The following IRX2 variants were observed in gnomAD, a reference collection of about 807,000 sequenced individuals.
IRX2 encodes iroquois homeobox 2.
In IRX2, 26 loss-of-function variants were observed where a neutral mutation model predicts 42.9. That is an observed-to-expected ratio of 0.61 (90% confidence interval 0.44 to 0.84). The LOEUF (loss-of-function observed/expected upper bound fraction) is 0.84. Among genes scored for constraint, IRX2 ranks in the 40% least tolerant of loss-of-function variants. IRX2 has a pLI of 0.00. For missense variants in IRX2, 782 were observed against 713.9 expected, an observed-to-expected ratio of 1.10 and a Z score of -1.09; for synonymous variants, 424 against 353.9, an observed-to-expected ratio of 1.20 and a Z score of -2.22.
Position 2,747,487 on chromosome 5 carries a change from A to T in IRX2, c.*77T>A. 2.4e-6 allele frequency: 3 copies of T among 1,260,990 alleles called. No individual in the cohort carries two copies. The highest frequency in any genetic ancestry group is 3.5e-6 in the Non-Finnish European group (3 of 864,224). 78.1% of individuals were successfully genotyped at this position (1,260,990 alleles called of 1,614,324 possible). A position where few individuals can be genotyped will look rare whatever the true frequency, so the allele number is the denominator to read the frequency against. On this transcript the variant is annotated 3_prime_UTR_variant, in exon 4 of 4. Coordinates refer to ENST00000302057, the MANE Select transcript of IRX2 (RefSeq NM_033267.5). ...AGAAGCAAGAAAAACACATTAAGCA[A>T]GTTGGTGCTGGGAGGCTCCACAGGG...
chr5:2,740,326 C>G, the IRX2 span, among the ~76,000 whole-genome samples: 1 of 152,062 alleles, frequency 6.6e-6, no homozygotes, highest in African/African-American at 2.4e-5. Context: ...GCGGTCACAC[C>G]GGGGCTGAGG....
the IRX2 span, among the ~76,000 whole-genome samples, chr5:2,739,034 C>T: frequency 6.6e-6 from 1 of 152,234 alleles, no homozygotes; most frequent in African/African-American, 2.4e-5. Flanking sequence ...TCCGCTGTGT[C>T]CCCTTGGATC....
At chr5:2,744,480 GACA>G (rs1440124782), downstream of IRX2, among the ~76,000 whole-genome samples, 1 of 152,142 alleles carries the variant, frequency 6.6e-6, no homozygotes, top group Admixed American at 6.5e-5. Context: ...AAGACCTTCA[GACA>G]ACAATCTAAA....
the IRX2 span, among the ~76,000 whole-genome samples, chr5:2,739,213 C>T: frequency 8.9e-4 from 136 of 152,342 alleles, 1 homozygote; most frequent in Admixed American, 2.0e-3. Context: ...GCAGACACCG[C>T]GGCAACCCAC....
Position 2,748,565 on chromosome 5 carries a change from G to T in IRX2, c.1143C>A (p.Pro381=). The change falls in exon 3 of 4, where the codon CCC becomes CCA. Residue 381 remains proline (P), a synonymous_variant. Coordinates refer to ENST00000302057, the MANE Select transcript of IRX2 (RefSeq NM_033267.5). ...CGTAGAAGGGCGACGTGTAGTAGAG[G>T]GGGCGGCCCAGCAGCGGCGAGGCAG... ...PYPASPLLGR[P]LYYTSPFYGN... is the part of the protein sequence containing the mutation. 1.3e-6 allele frequency: 2 copies of T among 1,567,196 alleles called. No individual in the cohort carries two copies. The highest frequency in any genetic ancestry group is 1.7e-6 in the Non-Finnish European group (2 of 1,159,054).
chr5:2,751,538 C>T lies in IRX2; in HGVS notation c.-125G>A, dbSNP rs1195539384. 2.6e-5 allele frequency: 16 copies of T among 606,920 alleles called. No homozygotes were observed. The highest frequency in any genetic ancestry group is 2.7e-5 in the Non-Finnish European group (13 of 488,266). The allele number at this position is 606,920 out of a possible 1,614,324, so 37.6% of individuals were successfully genotyped here. On this transcript the variant is annotated 5_prime_UTR_variant, in exon 1 of 4. Transcript: ENST00000302057. This position sits in a 1 kb window ranked among gnomAD's most constrained non-coding sequence, Gnocchi z 4.0. ...ACCCGGACGGCCGGCGGAGGCAGGC[C>T]GGCCCGGGTACTAGCCTGGGCGGCC...
downstream of IRX2, among the ~76,000 whole-genome samples, chr5:2,744,831 G>GAAAC (rs1394542716): frequency 1.1e-4 from 16 of 152,310 alleles, no homozygotes; most frequent in Non-Finnish European, 1.6e-4. Context: ...ACAGAAAACA[G>GAAAC]AAACCTGGTT....
chr5:2,749,018 G>C lies in IRX2; in HGVS notation c.690C>G (p.His230Gln). 1.3e-6 allele frequency: 2 copies of C among 1,597,294 alleles called. No homozygotes were observed. Among genetic ancestry groups the C allele is most frequent in the East Asian group, 4.5e-5 (2 of 44,762 alleles). ...CCCCGTCCGACTCGGCCGAGCACGA[G>C]TGATCCGTGAGCGAGTCCACGTGCA... ...ISLHVDSLTD[H>Q]SCSAESDGEK... Residue 230 changes from histidine to glutamine, a missense_variant, in exon 3 of 4, where the codon CAC becomes CAG. This residue lies in a region of IRX2 where 520 missense variants were observed against 437.8 expected (regional missense o/e 1.19). Transcript: ENST00000302057.
chr5:2,736,625 T>C, the IRX2 span: 3 of 152,230 alleles, frequency 2.0e-5, no homozygotes, highest in East Asian at 3.8e-4. Flanking sequence ...TGAACCACTA[T>C]TGTCAAAACA....
In IRX2 at chr5:2,751,422, C is replaced by T. The variant is rs894825699; in HGVS notation, c.-9G>A. ...CCCTGCGGGTAGGACATGGTGGGCG[C>T]GGGGCGCGGGGCCCGCGTCACGCCG... On this transcript the variant is annotated 5_prime_UTR_variant, in exon 1 of 4. Transcript: ENST00000302057. The surrounding 1 kb of genome is among the most constrained non-coding windows in gnomAD (Gnocchi z 4.0). The T allele has an allele frequency of 2.3e-6, 3 of 1,294,870 alleles. No homozygotes were observed. The highest frequency in any genetic ancestry group is 3.2e-5 in the African/African-American group (2 of 62,954). 80.2% of individuals were successfully genotyped at this position (1,294,870 alleles called of 1,614,324 possible). A position where few individuals can be genotyped will look rare whatever the true frequency, so the allele number is the denominator to read the frequency against.
rs780105025 is a variant in IRX2, at chr5:2,748,433, T to C, written c.1275A>G (p.Pro425=). ...CCTTGCCCGCGTCGCTGGCCGCCTT[T>C]GGCGCGGTGTGCAGGGCCTCGCCGG... The part of the protein sequence containing the change: ...AAPGEALHTA[P]KAASDAGKAG... Residue 425 remains proline, a synonymous_variant, in exon 3 of 4, where the codon CCA becomes CCG. Transcript: ENST00000302057. 5 of 1,548,990 alleles carry C rather than the reference T, an allele frequency of 3.2e-6. No homozygotes were observed. Among genetic ancestry groups the C allele is most frequent in the Non-Finnish European group, 4.3e-6 (5 of 1,153,202 alleles).
Position 2,748,870 on chromosome 5 carries a change from G to C in IRX2, c.838C>G (p.Pro280Ala), listed in dbSNP as rs1472631067. 2.5e-6 allele frequency: 4 copies of C among 1,593,310 alleles called. No homozygotes were observed. The highest frequency in any genetic ancestry group is 3.4e-6 in the Non-Finnish European group (4 of 1,178,110). Residue 280 changes from proline to alanine, a missense_variant, in exon 3 of 4, where the codon CCC becomes GCC. Pro to Ala is a conservative substitution (Grantham distance 27). This residue lies in a region of IRX2 where 520 missense variants were observed against 437.8 expected (regional missense o/e 1.19). Transcript: ENST00000302057. ...DEEGERGLAP[P>A]KPVTSSPLTG... ...AGCGGCGACGAGGTCACGGGCTTGGGCGGCGCCAGGCCCCGCTCGCCCTCC... is the reference window on the plus strand; with the variant it reads ...AGCGGCGACGAGGTCACGGGCTTGGCCGGCGCCAGGCCCCGCTCGCCCTCC...
At chr5:2,742,459 G>A (rs986187748), downstream of IRX2, among the ~76,000 whole-genome samples, 10 of 152,122 alleles carry the variant, frequency 6.6e-5, no homozygotes, top group African/African-American at 1.9e-4. Context: ...TCCCCCTTGC[G>A]ATTTGTAGAA....
At position 2,749,392 on chromosome 5, in the gene IRX2, T is replaced by G; in HGVS notation, c.645A>C (p.Ala215=). The change falls in exon 2 of 4, where the codon GCA becomes GCC. Residue 215 remains alanine, a synonymous_variant. Transcript: ENST00000302057. The part of the protein sequence containing the change: ...DKAQEGTETS[A]EDEGISLHVD... Reference sequence around the variant, plus strand: ...CCGCTGCCCGCTCACCTTCGTCCTCTGCCGAGGTCTCCGTGCCCTCCTGCG... The same window carrying G: ...CCGCTGCCCGCTCACCTTCGTCCTCGGCCGAGGTCTCCGTGCCCTCCTGCG... The G allele has an allele frequency of 2.5e-6, 4 of 1,609,178 alleles. No homozygotes were observed. In the South Asian group the frequency reaches 3.3e-5, roughly 13 times the overall value.
chr5:2,748,828 G>A lies in IRX2; in HGVS notation c.880C>T (p.Pro294Ser), dbSNP rs1336495689. Residue 294 changes from proline to serine, a missense_variant, in exon 3 of 4, where the codon CCG becomes TCG. Pro to Ser is a moderately conservative substitution (Grantham distance 74). Coordinates refer to ENST00000302057, the MANE Select transcript of IRX2 (RefSeq NM_033267.5). ...TSSPLTGLEAPLLSPPPEAAP... is the reference protein window; with the variant it reads ...TSSPLTGLEASLLSPPPEAAP... ...GCCTCGGGCGGGGGGCTCAGCAGCGGCGCCTCCAAGCCGGTAAGCGGCGAC... is the reference window on the plus strand; with the variant it reads ...GCCTCGGGCGGGGGGCTCAGCAGCGACGCCTCCAAGCCGGTAAGCGGCGAC... The A allele has an allele frequency of 2.6e-6, 4 of 1,536,710 alleles. No individual in the cohort carries two copies. The highest frequency in any genetic ancestry group is 3.5e-6 in the Non-Finnish European group (4 of 1,151,924).
At chr5:2,744,071 GTC>G (rs1491158467), downstream of IRX2, among the ~76,000 whole-genome samples, 1 of 128,382 alleles carries the variant, frequency 7.8e-6, no homozygotes, top group East Asian at 2.3e-4. Context: ...AGAGAATGGA[GTC>G]GTGTGTGTGT....
the IRX2 span, among the ~76,000 whole-genome samples, chr5:2,736,131 C>A: frequency 4.6e-5 from 7 of 152,158 alleles, no homozygotes; most frequent in African/African-American, 1.7e-4. Context: ...TCCCAGTCTT[C>A]CCCCAAGCCC....
At chr5:2,740,360 C>T in the IRX2 span, among the ~76,000 whole-genome samples, 7 of 151,530 alleles carry the variant, frequency 4.6e-5, 1 homozygote, top group East Asian at 1.2e-3. Context: ...CACCCCCTCT[C>T]CTGCGACTGT....
chr5:2,738,924 A>G, the IRX2 span, among the ~76,000 whole-genome samples: 1 of 152,146 alleles, frequency 6.6e-6, no homozygotes, highest in Non-Finnish European at 1.5e-5. Flanking sequence ...CTGTGGCTGG[A>G]GACCCTCTTC....
Sources: gnomAD v4.1 joint callset for allele counts (sites outside exome capture counted in the v4.1 genomes callset) on GRCh38, gnomAD v4.1.1 for gene constraint, gnomAD v4.1.1 regional missense constraint, Gnocchi (gnomAD v3.1) non-coding constraint, MANE v1.5 for transcripts, NCBI Gene and HGNC (gene_info 2026-07-23, HGNC 2026-07-21) for gene names.